The following IGSF21 variants were observed in gnomAD, a reference collection of about 807,000 sequenced individuals.
The protein encoded by IGSF21 is immunoglobulin superfamily member 21.
IGSF21 carries 28 observed loss-of-function variants against 46.8 expected under a neutral mutation model. That is an observed-to-expected ratio of 0.60 (90% CI 0.44 to 0.82). IGSF21 has a LOEUF of 0.82. IGSF21 is among the 40% of genes least tolerant of loss of function. The pLI is 0.00. For synonymous variants in IGSF21, 284 were observed against 273.6 expected, an observed-to-expected ratio of 1.04 and a Z score of -0.38; for missense variants, 624 against 665.5, an observed-to-expected ratio of 0.94 and a Z score of 0.69.
chr1:18,228,941 C>G (rs1394750483), intron 2 of IGSF21, among the ~76,000 whole-genome samples: 1 of 152,192 alleles, frequency 6.6e-6, no homozygotes, highest in East Asian at 1.9e-4. Context: ...GTCAATGAAA[C>G]TTTACTCATG....
Position 18,246,341 on chromosome 1 carries a change from C to T in IGSF21, c.183+18331C>T, listed in dbSNP as rs148365251. Reference sequence around the variant, plus strand: ...ACCCCTTCCTGCCTATAGATTTGCCCTTGGTTTTTGAGCTAATTACTCCGT... The same window carrying T: ...ACCCCTTCCTGCCTATAGATTTGCCTTTGGTTTTTGAGCTAATTACTCCGT... On this transcript the variant is annotated intron_variant, in intron 2 of 9. Transcript: ENST00000251296. Among the ~76,000 whole-genome samples the T allele has an allele frequency of 1.6e-3, 237 of 152,200 alleles. 2 individuals are homozygous for T. Among genetic ancestry groups the T allele is most frequent in the African/African-American group, 5.5e-3 (230 of 41,536 alleles).
At chr1:18,129,376 C>A (rs2086299350) in intron 1 of IGSF21, among the ~76,000 whole-genome samples, 1 of 152,144 alleles carries the variant, frequency 6.6e-6, no homozygotes, top group South Asian at 2.1e-4. Flanking sequence ...GGGGACCCTT[C>A]CAGTCTTCCC....
chr1:18,302,345 C>T (rs2085370751), intron 3 of IGSF21, among the ~76,000 whole-genome samples: 1 of 152,128 alleles, frequency 6.6e-6, no homozygotes, highest in Non-Finnish European at 1.5e-5. Flanking sequence ...CCACCAAGGC[C>T]ATGAGCAGCC....
chr1:18,369,781 G>C (rs535290735), intron 6 of IGSF21, among the ~76,000 whole-genome samples: 1 of 152,304 alleles, frequency 6.6e-6, no homozygotes, highest in African/African-American at 2.4e-5. Flanking sequence ...GCCCTCCGCA[G>C]CTGAAATGCC....
chr1:18,159,272 T>C (rs2086595018), intron 1 of IGSF21, among the ~76,000 whole-genome samples: 1 of 152,168 alleles, frequency 6.6e-6, no homozygotes, highest in African/African-American at 2.4e-5. Flanking sequence ...CAGTTTGGAT[T>C]CTAGAGAAAG....
At position 18,377,829 on chromosome 1, in the gene IGSF21, C is replaced by T. The variant is rs148737251; in HGVS notation, c.1333+398C>T. The stretch of plus-strand genomic sequence containing the variant: ...TGGGGCTGCGTTCTGAGACTCCAGA[C>T]CACTCCGTAGGGTGGTTGGGAGCAT... On this transcript the variant is annotated intron_variant, in intron 9 of 9. Coordinates refer to ENST00000251296, the MANE Select transcript of IGSF21 (RefSeq NM_032880.5). 7.2e-3 allele frequency among the ~76,000 whole-genome samples: 1,090 copies of T among 152,314 alleles called. 6 individuals carry two copies. The highest frequency in any genetic ancestry group is 0.024 in the Middle Eastern group (7 of 294).
In IGSF21 at chr1:18,136,733, G is replaced by A. The variant is rs368645701; in HGVS notation, c.70+28535G>A. ...TCTTTTGGCTTAGGATTGACTTGGCGATGCGGGCTCTTTTTTGGTTCCATA... is the reference window on the plus strand; with the variant it reads ...TCTTTTGGCTTAGGATTGACTTGGCAATGCGGGCTCTTTTTTGGTTCCATA... On this transcript the variant is annotated intron_variant, in intron 1 of 9. Transcript: ENST00000251296. 8.5e-5 allele frequency among the ~76,000 whole-genome samples: 13 copies of A among 152,212 alleles called. No homozygotes were observed. The South Asian group carries it at 1.7e-3, about 19-fold the overall frequency.
At chr1:18,159,914 C>A (rs1168661852) in intron 1 of IGSF21, among the ~76,000 whole-genome samples, 1 of 152,182 alleles carries the variant, frequency 6.6e-6, no homozygotes. Context: ...AACTCCTGAC[C>A]TTGTGATCCA....
At chr1:18,215,129 C>T (rs553260102) in intron 1 of IGSF21, among the ~76,000 whole-genome samples, 1 of 152,324 alleles carries the variant, frequency 6.6e-6, no homozygotes, top group East Asian at 1.9e-4. Flanking sequence ...GATCCAGTCA[C>T]CTCCCACCAG....
At chr1:18,252,546 G>A (rs2084853199) in intron 2 of IGSF21, among the ~76,000 whole-genome samples, 1 of 152,186 alleles carries the variant, frequency 6.6e-6, no homozygotes. Flanking sequence ...CTATGTGCCT[G>A]TCTATGAAGT....
intron 1 of IGSF21, among the ~76,000 whole-genome samples, chr1:18,188,895 G>A (rs1009234372): frequency 2.0e-5 from 3 of 152,266 alleles, no homozygotes; most frequent in Admixed American, 6.5e-5. Flanking sequence ...TGGCCCAGCC[G>A]ATGCCACTCC....
intron 1 of IGSF21, among the ~76,000 whole-genome samples, chr1:18,196,571 C>A (rs1266837690): frequency 2.0e-5 from 3 of 152,216 alleles, no homozygotes; most frequent in African/African-American, 7.2e-5. Context: ...GAAAAATTAT[C>A]CGTGTCAAGG....
At chr1:18,312,554 C>A (rs2085499770) in intron 3 of IGSF21, among the ~76,000 whole-genome samples, 1 of 152,190 alleles carries the variant, frequency 6.6e-6, no homozygotes, top group Admixed American at 6.5e-5. Context: ...TGCTTCCTTG[C>A]CTTTTGCAGC....
At chr1:18,292,758 A>C (rs545861508) in intron 3 of IGSF21, among the ~76,000 whole-genome samples, 1 of 152,094 alleles carries the variant, frequency 6.6e-6, no homozygotes, top group Non-Finnish European at 1.5e-5. Context: ...CCACTCCAGC[A>C]ATTCCACCCA....
At chr1:18,137,841 T>C (rs2086381351) in intron 1 of IGSF21, among the ~76,000 whole-genome samples, 1 of 152,194 alleles carries the variant, frequency 6.6e-6, no homozygotes, top group African/African-American at 2.4e-5. Flanking sequence ...AATATTAATG[T>C]GTGTAATCTG....
rs780398271 is a variant in IGSF21, at chr1:18,377,374, T to A, written c.1295-19T>A. On this transcript the variant is annotated intron_variant, in intron 8 of 9. Coordinates refer to ENST00000251296, the MANE Select transcript of IGSF21 (RefSeq NM_032880.5). ...AAGGCCATCCACCCTTTGGTTCTCT[T>A]TCTGTTTCTTTCCAACAGAAAACCC... 2.4e-5 allele frequency: 38 copies of A among 1,611,386 alleles called. No individual in the cohort carries two copies. Among genetic ancestry groups the A allele is most frequent in the Admixed American group, 5.0e-5 (3 of 60,000 alleles).
At chr1:18,282,635 TACACACACACACAC>T (rs10522294) in intron 2 of IGSF21, among the ~76,000 whole-genome samples, 9 of 137,646 alleles carry the variant, frequency 6.5e-5, no homozygotes, top group Non-Finnish European at 1.3e-4. Flanking sequence ...TCCCCTTACA[TACACACACACACAC>T]ACACACACAC....
intron 5 of IGSF21, among the ~76,000 whole-genome samples, chr1:18,364,661 C>T (rs1302930689): frequency 6.6e-6 from 1 of 152,150 alleles, no homozygotes; most frequent in Non-Finnish European, 1.5e-5. Context: ...GCTCTCACCT[C>T]ATCCCCGCAC....
chr1:18,363,341 A>G (rs1275320408), intron 5 of IGSF21, among the ~76,000 whole-genome samples: 1 of 152,170 alleles, frequency 6.6e-6, no homozygotes, highest in Non-Finnish European at 1.5e-5. Flanking sequence ...GCATGGTCCA[A>G]TTGTGCGGCC....
Sources: gnomAD v4.1 joint callset for allele counts (sites outside exome capture counted in the v4.1 genomes callset) on GRCh38, gnomAD v4.1.1 for gene constraint, MANE v1.5 for transcripts, NCBI Gene and HGNC (gene_info 2026-07-23, HGNC 2026-07-21) for gene names.